TMEM108: variants seen among roughly 807,000 people sequenced by gnomAD.
TMEM108 encodes the protein transmembrane protein 108.
Under a neutral mutation model 35.1 loss-of-function variants are expected in TMEM108, and 12 were observed. The observed-to-expected ratio is 0.34, with a 90% CI of 0.22 to 0.55. The LOEUF (loss-of-function observed/expected upper bound fraction) is 0.55. Ranked by LOEUF, TMEM108 falls within the 20% of genes least tolerant of loss-of-function variation. TMEM108 has a pLI of 0.89. For synonymous variants in TMEM108, 287 were observed against 308.6 expected, an observed-to-expected ratio of 0.93 and a Z score of 0.73; for missense variants, 680 against 753.3, an observed-to-expected ratio of 0.90 and a Z score of 1.14.
chr3:133,351,602 T>G (rs958702787), intron 3 of TMEM108, among the ~76,000 whole-genome samples: 13 of 152,100 alleles, frequency 8.5e-5, no homozygotes, highest in Admixed American at 7.2e-4. Context: ...GAAGACACCC[T>G]CAGGATTAAT....
chr3:133,296,673 C>T (rs973919856), intron 3 of TMEM108, among the ~76,000 whole-genome samples: 6 of 152,016 alleles, frequency 3.9e-5, no homozygotes, highest in African/African-American at 1.5e-4. Context: ...CAAAGCAACC[C>T]GTGTGTCAGT....
In TMEM108 at chr3:133,335,261, C is replaced by G. The variant is rs375724495; in HGVS notation, c.41-44491C>G. On this transcript the variant is annotated intron_variant, in intron 3 of 5. Coordinates refer to ENST00000321871, the MANE Select transcript of TMEM108 (RefSeq NM_023943.4). ...AAAGCATAGCCATGTGCTCCATTCA[C>G]CTAACTCAAATGACACAAAAGATTT... 5.8e-4 allele frequency among the ~76,000 whole-genome samples: 89 copies of G among 152,178 alleles called. 1 individual carries two copies. The highest frequency in any genetic ancestry group is 2.4e-3 in the Admixed American group (37 of 15,276).
intron 3 of TMEM108, among the ~76,000 whole-genome samples, chr3:133,288,330 T>C (rs1241267011): frequency 2.0e-5 from 3 of 152,240 alleles, no homozygotes; most frequent in Non-Finnish European, 4.4e-5. Flanking sequence ...TTAAGATAGA[T>C]GGATGTGGCC....
At chr3:133,185,141 T>C (rs1342218114) in intron 2 of TMEM108, among the ~76,000 whole-genome samples, 1 of 152,220 alleles carries the variant, frequency 6.6e-6, no homozygotes, top group Non-Finnish European at 1.5e-5. Context: ...TAGATTCTAC[T>C]TATACACCTT....
chr3:133,038,618 C>G (rs1050731485), intron 1 of TMEM108, among the ~76,000 whole-genome samples, 183 bp downstream of exon 1: 10 of 152,166 alleles, frequency 6.6e-5, no homozygotes, highest in African/African-American at 2.4e-4. Flanking sequence ...GGCACCTTCC[C>G]ATCCTCCCCA....
chr3:133,255,587 A>C (rs965328755), intron 3 of TMEM108, among the ~76,000 whole-genome samples: 1 of 152,232 alleles, frequency 6.6e-6, no homozygotes, highest in Non-Finnish European at 1.5e-5. Flanking sequence ...CAAGAACGAG[A>C]GAATAGAGAC....
intron 3 of TMEM108, among the ~76,000 whole-genome samples, chr3:133,263,400 T>A (rs1946652736): frequency 6.6e-6 from 1 of 152,198 alleles, no homozygotes; most frequent in Non-Finnish European, 1.5e-5. Flanking sequence ...TTCTATTCTA[T>A]CCTGATCACA....
intron 2 of TMEM108, among the ~76,000 whole-genome samples, chr3:133,055,304 T>C (rs530610666): frequency 6.6e-6 from 1 of 152,330 alleles, no homozygotes; most frequent in South Asian, 2.1e-4. Context: ...AAAGATTAAC[T>C]CAAATTTGTG....
intron 3 of TMEM108, among the ~76,000 whole-genome samples, chr3:133,271,044 C>T (rs1946764537): frequency 6.6e-6 from 1 of 152,114 alleles, no homozygotes; most frequent in Admixed American, 6.5e-5. Flanking sequence ...TTTTGCTACT[C>T]CTAGTTACCT....
At chr3:133,207,564 A>C (rs1945776106) in intron 2 of TMEM108, among the ~76,000 whole-genome samples, 1 of 152,016 alleles carries the variant, frequency 6.6e-6, no homozygotes. Context: ...TTTATTTGAA[A>C]GTAGTTGTTC....
chr3:133,264,037 G>T (rs1198889848), intron 3 of TMEM108, among the ~76,000 whole-genome samples: 5 of 152,208 alleles, frequency 3.3e-5, no homozygotes, highest in South Asian at 2.1e-4. Context: ...CAAGTGTGAT[G>T]ATGCATACCT....
chr3:133,256,756 T>C (rs867986767), intron 3 of TMEM108, among the ~76,000 whole-genome samples: 1 of 152,118 alleles, frequency 6.6e-6, no homozygotes, highest in African/African-American at 2.4e-5. Flanking sequence ...GGAAAATAGA[T>C]ATAGAGAAAT....
chr3:133,369,812 G>A (rs140301464), intron 3 of TMEM108, among the ~76,000 whole-genome samples: 16 of 152,264 alleles, frequency 1.1e-4, no homozygotes, highest in African/African-American at 3.6e-4. Flanking sequence ...CTGCATGCCC[G>A]CATCTGTGGG....
At chr3:133,390,882 G>A (rs996889072) in intron 5 of TMEM108, among the ~76,000 whole-genome samples, 11 of 152,178 alleles carry the variant, frequency 7.2e-5, no homozygotes, top group African/African-American at 1.7e-4. Context: ...GTGAGGATAC[G>A]TGCTGGATCT....
At chr3:133,043,148 A>G (rs900359135) in intron 1 of TMEM108, among the ~76,000 whole-genome samples, 7 of 152,248 alleles carry the variant, frequency 4.6e-5, no homozygotes, top group African/African-American at 1.7e-4. Flanking sequence ...GATGTTCTTA[A>G]GTTGGGTCCA....
chr3:133,055,490 C>A (rs1943455685), intron 2 of TMEM108, among the ~76,000 whole-genome samples: 1 of 152,152 alleles, frequency 6.6e-6, no homozygotes, highest in Non-Finnish European at 1.5e-5. Flanking sequence ...ATCCTTTATT[C>A]CCATCCTGCC....
chr3:133,305,076 T>C (rs1334136611), intron 3 of TMEM108, among the ~76,000 whole-genome samples: 1 of 151,844 alleles, frequency 6.6e-6, no homozygotes, highest in Non-Finnish European at 1.5e-5. Context: ...AGAGCGAGAC[T>C]CTGATTCAAA....
At chr3:133,279,690 A>C (rs76538361) in intron 3 of TMEM108, among the ~76,000 whole-genome samples, 2,174 of 152,100 alleles carry the variant, frequency 0.014, 62 homozygotes, top group African/African-American at 0.05. Flanking sequence ...TCTGATGAAG[A>C]CTCCAGCACA....
chr3:133,261,150 C>G (rs917338319), intron 3 of TMEM108, among the ~76,000 whole-genome samples: 1 of 152,176 alleles, frequency 6.6e-6, no homozygotes, highest in Non-Finnish European at 1.5e-5. Flanking sequence ...GAAGTGGTAC[C>G]TGTTTCATTC....
Sources: gnomAD v4.1 joint callset for allele counts (sites outside exome capture counted in the v4.1 genomes callset) on GRCh38, gnomAD v4.1.1 for gene constraint, MANE v1.5 for transcripts, NCBI Gene and HGNC (gene_info 2026-07-23, HGNC 2026-07-21) for gene names.